Variants in SHPRH observed in about 807,000 individuals in gnomAD.
SHPRH encodes SNF2 histone linker PHD RING helicase.
A neutral mutation model predicts 202.5 loss-of-function variants in SHPRH; 106 were observed. The ratio of observed to expected loss-of-function variants is 0.52; its 90% CI spans 0.45 to 0.62. SHPRH has a LOEUF of 0.62. Ranked by LOEUF, SHPRH falls within the 20% of genes least tolerant of loss-of-function variation. The pLI is 0.00. For missense variants in SHPRH, 1,710 were observed against 2,020.0 expected (o/e 0.85, Z 2.94); for synonymous variants, 729 against 686.0 (o/e 1.06, Z -0.98).
At chr6:145,907,674 C>T (rs1783088110) in intron 25 of SHPRH, 1 of 152,064 alleles carries the variant, frequency 6.6e-6, no homozygotes, top group Admixed American at 6.6e-5. Flanking sequence ...TTCTTTTTCT[C>T]TGTCTGGGAG....
chr6:145,863,870 C>T (rs1375161399), downstream of SHPRH, among the ~76,000 whole-genome samples: 1 of 152,132 alleles, frequency 6.6e-6, no homozygotes. Flanking sequence ...GACTGAGACT[C>T]GGTAGGATAT....
intron 2 of SHPRH, among the ~76,000 whole-genome samples, chr6:145,867,567 G>C (rs1779831298): frequency 7.8e-6 from 1 of 127,894 alleles, no homozygotes; most frequent in Non-Finnish European, 1.6e-5. Flanking sequence ...CGTGAACCTG[G>C]GCAACAGAGT....
At chr6:145,865,833 T>C (rs1329598161) in intron 2 of SHPRH, among the ~76,000 whole-genome samples, 2 of 152,250 alleles carry the variant, frequency 1.3e-5, no homozygotes, top group South Asian at 2.1e-4. Flanking sequence ...TATGCTTTCA[T>C]TTCCTATTTT....
chr6:145,948,925 A>G (rs1582809888), intron 4 of SHPRH, among the ~76,000 whole-genome samples: 1 of 152,032 alleles, frequency 6.6e-6, no homozygotes, highest in South Asian at 2.1e-4. Context: ...ACTTATTTAA[A>G]CCAACTGCCA....
chr6:145,924,704 C>T (rs1784713468), intron 17 of SHPRH, 35 bp downstream of exon 17: 3 of 1,571,588 alleles, frequency 1.9e-6, no homozygotes, highest in Non-Finnish European at 2.6e-6. Context: ...TATCTGGAGG[C>T]AAATACAAGT....
intron 23 of SHPRH, among the ~76,000 whole-genome samples, chr6:145,915,100 TATAA>T (rs958111681): frequency 1.4e-4 from 20 of 147,368 alleles, no homozygotes; most frequent in South Asian, 2.1e-4. Context: ...TTAATAAACT[TATAA>T]ATAAATTTAT....
chr6:145,932,601 C>T (rs750500120), intron 14 of SHPRH, among the ~76,000 whole-genome samples: 3 of 152,058 alleles, frequency 2.0e-5, no homozygotes, highest in Non-Finnish European at 4.4e-5. Context: ...ACCATATCAT[C>T]GTTACCTAGA....
At chr6:145,862,481 C>A (rs1369554336), downstream of SHPRH, among the ~76,000 whole-genome samples, 3 of 151,850 alleles carry the variant, frequency 2.0e-5, no homozygotes, top group Non-Finnish European at 4.4e-5. Context: ...AAAGAAAAAA[C>A]AAAACAACAA....
intron 4 of SHPRH, among the ~76,000 whole-genome samples, chr6:145,950,063 A>T (rs548155805): frequency 6.6e-6 from 1 of 152,130 alleles, no homozygotes; most frequent in Non-Finnish European, 1.5e-5. Context: ...AACCAGTACA[A>T]ACTTTTATGA....
chr6:145,881,291 GA>G, downstream of SHPRH, among the ~76,000 whole-genome samples: 1 of 152,296 alleles, frequency 6.6e-6, no homozygotes, highest in Non-Finnish European at 1.5e-5. Flanking sequence ...AATTTATAAT[GA>G]AAAAGAGGTT....
intron 22 of SHPRH, 198 bp downstream of exon 22, chr6:145,919,150 C>A: frequency 1.6e-6 from 1 of 617,756 alleles, no homozygotes. Context: ...GAACACTAAG[C>A]ATGTAATAGA....
intron 15 of SHPRH, among the ~76,000 whole-genome samples, chr6:145,926,503 C>T (rs1360224070): frequency 6.6e-6 from 1 of 151,882 alleles, no homozygotes; most frequent in Non-Finnish European, 1.5e-5. Flanking sequence ...TTTTGTAACC[C>T]TTATCCATGC....
chr6:145,907,981 A>T (rs1205783003), intron 25 of SHPRH: 1 of 151,964 alleles, frequency 6.6e-6, no homozygotes, highest in Non-Finnish European at 1.5e-5. Flanking sequence ...ATGTGTTCTC[A>T]GTGTTCAACT....
chr6:145,947,301 C>A lies in SHPRH; in HGVS notation c.1212+192G>T, dbSNP rs117325127. Among the ~76,000 whole-genome samples, 633 of 152,082 alleles carry A rather than the reference C, an allele frequency of 4.2e-3. 18 individuals carry two copies. The East Asian group carries it at 0.071, about 17-fold the overall frequency. On this transcript the variant is annotated intron_variant, in intron 6 of 29. Transcript: ENST00000275233. ...TCTTCCTAGTTGGCCAACATTACTTCAAAAATAAACCTTCTGGGTCACAAA... is the reference window on the plus strand; with the variant it reads ...TCTTCCTAGTTGGCCAACATTACTTAAAAAATAAACCTTCTGGGTCACAAA...
rs529325234 is a variant in SHPRH at position 145,932,958 on chromosome 6, G to A, written c.3112+99C>T. On this transcript the variant is annotated intron_variant, in intron 14 of 29. Transcript: ENST00000275233. ...AGTGTGTGAGAGTATCTTTTTGGGG[G>A]AAAAATCCCCCCCCCAAAAATCAAA... 2.1e-3 allele frequency: 2,705 copies of A among 1,304,028 alleles called. 8 individuals carry two copies. The highest frequency in any genetic ancestry group is 2.5e-3 in the Non-Finnish European group (2,461 of 974,458). 80.8% of individuals were successfully genotyped at this position (1,304,028 alleles called of 1,614,324 possible). A position where few individuals can be genotyped will look rare whatever the true frequency, so the allele number is the denominator to read the frequency against.
At chr6:145,936,899 T>C (rs1381930687) in intron 11 of SHPRH, among the ~76,000 whole-genome samples, 2 of 152,084 alleles carry the variant, frequency 1.3e-5, no homozygotes, top group Non-Finnish European at 2.9e-5. Flanking sequence ...ATGTTACCTC[T>C]TTTTTGAGGT....
chr6:145,955,282 T>C lies in SHPRH; in HGVS notation c.41A>G (p.Asp14Gly). 6.2e-7 allele frequency: 1 copy of C among 1,609,682 alleles called. No homozygotes were observed. The highest frequency in any genetic ancestry group is 8.5e-7 in the Non-Finnish European group (1 of 1,179,254). ...RRKRAPPVRV[D>G]EEKRQQLHWN... ...ATGAAGCTGCTGCCTCTTTTCCTCA[T>C]CTACCCTCACTGGAGGAGCACGTTT... The change falls in exon 2 of 30, where the codon GAT (aspartate) becomes GGT (glycine). Residue 14 changes from aspartate to glycine, a missense_variant. By Grantham distance (94) the Asp-to-Gly change is moderately conservative (BLOSUM62 -1). Coordinates refer to ENST00000275233, the MANE Select transcript of SHPRH (RefSeq NM_001042683.3).
chr6:145,867,524 GA>G (rs951362236), intron 2 of SHPRH, among the ~76,000 whole-genome samples: 1 of 149,638 alleles, frequency 6.7e-6, no homozygotes, highest in Non-Finnish European at 1.5e-5. Context: ...CCGGGAGGCT[GA>G]AGCTGCAGTG....
At chr6:145,942,666 A>C (rs1156398550) in intron 9 of SHPRH, among the ~76,000 whole-genome samples, 1 of 152,208 alleles carries the variant, frequency 6.6e-6, no homozygotes, top group African/African-American at 2.4e-5. Flanking sequence ...ACTATTTTTA[A>C]AACTCAGCAG....
Sources: allele counts gnomAD v4.1 joint callset (sites outside exome capture counted in the v4.1 genomes callset), GRCh38; gene constraint gnomAD v4.1.1; transcripts MANE v1.5; gene names NCBI Gene and HGNC (gene_info 2026-07-23, HGNC 2026-07-21).